ARHGEF7: variants seen among roughly 807,000 people sequenced by gnomAD.
ARHGEF7 encodes PAK-interacting exchange factor beta.
ARHGEF7 carries 33 observed loss-of-function variants against 109.8 expected under a neutral mutation model. That is an observed-to-expected ratio of 0.30 (90% CI 0.23 to 0.40). The LOEUF is 0.40. ARHGEF7 is among the 10% of genes least tolerant of loss of function. ARHGEF7 has a pLI of 1.00. For missense variants in ARHGEF7, 938 were observed against 1,098.5 expected, an observed-to-expected ratio of 0.85 and a Z score of 2.07; for synonymous variants, 458 against 424.6, an observed-to-expected ratio of 1.08 and a Z score of -0.97.
intron 8 of ARHGEF7, among the ~76,000 whole-genome samples, chr13:111,261,468 GTAT>G (rs1347079949): frequency 4.6e-5 from 7 of 152,190 alleles, no homozygotes; most frequent in Admixed American, 3.9e-4. Context: ...TATAAAGCAA[GTAT>G]TATTAGAACT....
chr13:111,285,144 G>A (rs2092964623), intron 16 of ARHGEF7, among the ~76,000 whole-genome samples: 1 of 152,186 alleles, frequency 6.6e-6, no homozygotes, highest in Non-Finnish European at 1.5e-5. Flanking sequence ...TGTACCCAAT[G>A]GGTAGCTTTT....
At chr13:111,193,001 C>G (rs1193660604) in intron 2 of ARHGEF7, among the ~76,000 whole-genome samples, 3 of 152,148 alleles carry the variant, frequency 2.0e-5, no homozygotes, top group Admixed American at 6.5e-5. Context: ...TATGATGGAC[C>G]AAGGGATTAT....
chr13:111,276,596 G>C (rs2092497484), intron 12 of ARHGEF7, among the ~76,000 whole-genome samples: 1 of 152,208 alleles, frequency 6.6e-6, no homozygotes, highest in Non-Finnish European at 1.5e-5. Context: ...AAATGCTTCA[G>C]AGTGGTTCTG....
Position 111,255,660 on chromosome 13 carries a change from G to A in ARHGEF7, c.950+11366G>A, listed in dbSNP as rs2090338668. Among the ~76,000 whole-genome samples, 1 of 152,196 alleles carries A rather than the reference G, an allele frequency of 6.6e-6. No homozygotes were observed. Among genetic ancestry groups the A allele is most frequent in the Admixed American group, 6.5e-5 (1 of 15,284 alleles). On this transcript the variant is annotated intron_variant, in intron 8 of 21. Transcript: ENST00000646102. This position sits in a 1 kb window ranked among gnomAD's most constrained non-coding sequence, Gnocchi z 4.1. ...GCCCTGAGTGAGCTGGCTGGTGTTC[G>A]TGAAAGAAGATCTGTTTTCAGTCAC... is the stretch of plus-strand genomic sequence containing the variant.
At chr13:111,221,688 A>C (rs1194430450) in intron 5 of ARHGEF7, among the ~76,000 whole-genome samples, 1 of 127,132 alleles carries the variant, frequency 7.9e-6, no homozygotes, top group African/African-American at 2.8e-5. Flanking sequence ...CCCCTTAATA[A>C]ACCCCTTGAT....
At position 111,186,830 on chromosome 13, in the gene ARHGEF7, C is replaced by T. The variant is rs2079311163; in HGVS notation, c.253-18459C>T. On this transcript the variant is annotated intron_variant, in intron 2 of 21. Coordinates refer to ENST00000646102, the MANE Select transcript of ARHGEF7 (RefSeq NM_001354046.2). ...AAAGTGTGCGCTCAGTCCCACATTG[C>T]AGAGGCCTCTCCGTCAGTATTGAGA... 1.2e-5 allele frequency: 12 copies of T among 985,342 alleles called. No homozygotes were observed. In the South Asian group the frequency reaches 4.7e-4, roughly 39 times the overall value. 61.0% of individuals were successfully genotyped at this position (985,342 alleles called of 1,614,324 possible).
chr13:111,171,389 G>A (rs1407986269), intron 2 of ARHGEF7, among the ~76,000 whole-genome samples: 1 of 152,218 alleles, frequency 6.6e-6, no homozygotes, highest in African/African-American at 2.4e-5. Context: ...AGTGCTGGAT[G>A]AGGCTCTTTG....
At chr13:111,235,580 C>T (rs558373784) in intron 6 of ARHGEF7, among the ~76,000 whole-genome samples, 130 of 152,276 alleles carry the variant, frequency 8.5e-4, no homozygotes, top group African/African-American at 3.0e-3. Context: ...GAAATAAACT[C>T]ATAGAATTCA....
At chr13:111,153,538 G>A (rs1302381518) in intron 1 of ARHGEF7, 2 of 835,170 alleles carry the variant, frequency 2.4e-6, no homozygotes, top group Non-Finnish European at 3.0e-6. Context: ...GGCCAGAGGA[G>A]GTGGCAGCTC....
chr13:111,232,464 A>G lies in ARHGEF7; in HGVS notation c.671-741A>G, dbSNP rs530992714. Among the ~76,000 whole-genome samples the G allele has an allele frequency of 2.5e-4, 38 of 152,304 alleles. 1 individual carries two copies. In the South Asian group the frequency reaches 7.1e-3, roughly 28 times the overall value. On this transcript the variant is annotated intron_variant, in intron 5 of 21. Transcript: ENST00000646102. ...AACCATTGGTAGACAGGCCCACCCCATAGAGCTGATGACGGGCATGCATGG... is the reference window on the plus strand; with the variant it reads ...AACCATTGGTAGACAGGCCCACCCCGTAGAGCTGATGACGGGCATGCATGG...
chr13:111,226,954 G>T (rs1191247041), intron 5 of ARHGEF7, among the ~76,000 whole-genome samples: 1 of 152,150 alleles, frequency 6.6e-6, no homozygotes, highest in African/African-American at 2.4e-5. Context: ...AACCCTGATG[G>T]ATGACCTTAG....
chr13:111,286,363 C>T (rs1194782304), intron 17 of ARHGEF7, 123 bp downstream of exon 17: 4 of 764,456 alleles, frequency 5.2e-6, no homozygotes, highest in Admixed American at 2.3e-5. Context: ...AAGGTCTGCC[C>T]CTTGAGGCAG....
chr13:111,283,093 C>T (rs764263451), intron 15 of ARHGEF7, 46 bp from the exon 16 acceptor site: 17 of 1,548,730 alleles, frequency 1.1e-5, no homozygotes, highest in East Asian at 7.3e-5. Flanking sequence ...GCGGTGAGCA[C>T]GCGAGTCTCA....
chr13:111,262,100 TA>T (rs1345358445), intron 8 of ARHGEF7, among the ~76,000 whole-genome samples: 1 of 151,958 alleles, frequency 6.6e-6, no homozygotes, highest in Non-Finnish European at 1.5e-5. Context: ...AGGAAAATAA[TA>T]AAGATTACAG....
intron 2 of ARHGEF7, among the ~76,000 whole-genome samples, chr13:111,168,071 G>A (rs963623238): frequency 6.6e-6 from 1 of 152,154 alleles, no homozygotes; most frequent in African/African-American, 2.4e-5. Flanking sequence ...TGCTCAGTTT[G>A]CCTCTTGAGG....
rs971474008 is a variant in ARHGEF7 at position 111,146,042 on chromosome 13, T to C, written c.166-7863T>C. On this transcript the variant is annotated intron_variant, in intron 1 of 21. Transcript: ENST00000646102. ...CTGCAGTTAGGGAGCTTATGTCTAATGAGGGAGATGAGATGTGCACAAGTA... is the reference window on the plus strand; with the variant it reads ...CTGCAGTTAGGGAGCTTATGTCTAACGAGGGAGATGAGATGTGCACAAGTA... 2.0e-5 allele frequency among the ~76,000 whole-genome samples: 3 copies of C among 152,118 alleles called. No homozygotes were observed. In the South Asian group the frequency reaches 6.2e-4, roughly 32 times the overall value.
chr13:111,181,932 A>T (rs752913853), intron 2 of ARHGEF7, among the ~76,000 whole-genome samples: 1 of 152,202 alleles, frequency 6.6e-6, no homozygotes, highest in Non-Finnish European at 1.5e-5. Context: ...TGTTGAACTG[A>T]ACCAACAAAG....
chr13:111,292,085 T>C, intron 18 of ARHGEF7, 33 bp from the exon 19 acceptor site: 1 of 1,596,070 alleles, frequency 6.3e-7, no homozygotes, highest in Non-Finnish European at 8.6e-7. Flanking sequence ...ACCCCCTGCC[T>C]GTCGCGCCTG....
chr13:111,140,343 C>T (rs2075290713), intron 1 of ARHGEF7, among the ~76,000 whole-genome samples: 1 of 152,164 alleles, frequency 6.6e-6, no homozygotes, highest in South Asian at 2.1e-4. Flanking sequence ...AGGAAAACAG[C>T]AGGTGGCGGG....
Sources: gnomAD v4.1 joint callset for allele counts (sites outside exome capture counted in the v4.1 genomes callset) on GRCh38, gnomAD v4.1.1 for gene constraint, Gnocchi (gnomAD v3.1) non-coding constraint, MANE v1.5 for transcripts, NCBI Gene and HGNC (gene_info 2026-07-23, HGNC 2026-07-21) for gene names.